The following SYT7 variants were observed in gnomAD, a reference collection of about 807,000 sequenced individuals.
The protein encoded by SYT7 is synaptotagmin 7, also known as synaptotagmin-7.
A neutral mutation model predicts 75.1 loss-of-function variants in SYT7; 29 were observed. The ratio of observed to expected loss-of-function variants is 0.39; its 90% CI spans 0.29 to 0.53. The LOEUF is 0.53. SYT7 is among the 20% of genes least tolerant of loss of function. The pLI is 0.77. For synonymous variants in SYT7, 376 were observed against 401.7 expected, an observed-to-expected ratio of 0.94 and a Z score of 0.76; for missense variants, 693 against 953.2, an observed-to-expected ratio of 0.73 and a Z score of 3.59.
chr11:61,540,450 C>T (rs1004339558), intron 6 of SYT7: 13 of 903,174 alleles, frequency 1.4e-5, no homozygotes, highest in East Asian at 1.2e-4. Flanking sequence ...ATGTGATGAT[C>T]ACATGCCTCT....
chr11:61,526,985 G>A (rs1449734760), intron 9 of SYT7, among the ~76,000 whole-genome samples: 1 of 152,118 alleles, frequency 6.6e-6, no homozygotes, highest in Non-Finnish European at 1.5e-5. Flanking sequence ...TGGTTGAACC[G>A]GGGGCCATTG....
intron 3 of SYT7, 107 bp from the exon 4 acceptor site, chr11:61,547,415 A>T: frequency 1.5e-6 from 2 of 1,341,484 alleles, no homozygotes; most frequent in Non-Finnish European, 2.0e-6. Context: ...CCGGGCACAC[A>T]GTGGGCGGGG....
chr11:61,546,294 C>G lies in SYT7; in HGVS notation c.348-39G>C, dbSNP rs1441696232. The G allele has an allele frequency of 7.3e-7, 1 of 1,364,484 alleles. No individual in the cohort carries two copies. The highest frequency in any genetic ancestry group is 1.6e-5 in the South Asian group (1 of 63,468). The allele number at this position is 1,364,484 out of a possible 1,614,324, so 84.5% of individuals were successfully genotyped here. A position where few individuals can be genotyped will look rare whatever the true frequency, so the allele number is the denominator to read the frequency against. The stretch of plus-strand genomic sequence containing the variant: ...CGAGGCAGCCAGGCCAGAGGGGCAC[C>G]GGGGGTGGCGGTGGGGGAGAGAGGG... On this transcript the variant is annotated intron_variant, in intron 4 of 12. Coordinates refer to ENST00000539008, the MANE Select transcript of SYT7 (RefSeq NM_001365809.2). This position sits in a 1 kb window ranked among gnomAD's most constrained non-coding sequence, Gnocchi z 7.6.
chr11:61,561,390 G>T (rs2063632479), intron 1 of SYT7, among the ~76,000 whole-genome samples: 1 of 152,194 alleles, frequency 6.6e-6, no homozygotes, highest in Non-Finnish European at 1.5e-5. Context: ...CTCTACCCAG[G>T]CCTGTGGTAG....
In SYT7 at chr11:61,576,197, C is replaced by T. The variant is rs2064072454; in HGVS notation, c.31+4593G>A. On this transcript the variant is annotated intron_variant, in intron 1 of 12. Transcript: ENST00000539008. The surrounding 1 kb of genome is among the most constrained non-coding windows in gnomAD (Gnocchi z 4.1). ...CTGCTGGGTGAGACCAAAGCCCTGC[C>T]CTGCAGACACTAGTTGGACAGGGCC... is the stretch of plus-strand genomic sequence containing the variant. Among the ~76,000 whole-genome samples the T allele has an allele frequency of 6.6e-6, 1 of 152,232 alleles. No individual in the cohort carries two copies. Among genetic ancestry groups the T allele is most frequent in the South Asian group, 2.1e-4 (1 of 4,834 alleles).
chr11:61,583,956 C>T (rs960866411), upstream of SYT7, among the ~76,000 whole-genome samples: 15 of 152,220 alleles, frequency 9.9e-5, no homozygotes, highest in African/African-American at 2.4e-4. Flanking sequence ...ATTTATGTGG[C>T]GCTGCCATCA....
intron 1 of SYT7, among the ~76,000 whole-genome samples, chr11:61,563,664 C>A (rs547797057): frequency 1.3e-5 from 2 of 152,174 alleles, no homozygotes; most frequent in African/African-American, 4.8e-5. Flanking sequence ...GCAGGCCAAC[C>A]CTTGTCACAC....
In SYT7 at chr11:61,523,148, T is replaced by C. The variant is rs2062400257; in HGVS notation, c.1883A>G (p.Lys628Arg). The C allele has an allele frequency of 6.2e-7, 1 of 1,614,098 alleles. No homozygotes were observed. Among genetic ancestry groups the C allele is most frequent in the African/African-American group, 1.3e-5 (1 of 74,934 alleles). ...ESFAFDIPTE[K>R]LRETTIIITV... is the part of the protein sequence containing the mutation. ...GATGATGATGGTCGTCTCCCTCAGC[T>C]TCTCCGTGGGGATATCGAAGGCGAA... Residue 628 changes from lysine (K) to arginine (R), a missense_variant, in exon 12 of 13, where the codon AAG becomes AGG. By Grantham distance (26) the Lys-to-Arg change is conservative (BLOSUM62 2). This residue lies in a region of SYT7 where 206 missense variants were observed against 360.0 expected (regional missense o/e 0.57). Coordinates refer to ENST00000539008, the MANE Select transcript of SYT7 (RefSeq NM_001365809.2). The surrounding 1 kb of genome is among the most constrained non-coding windows in gnomAD (Gnocchi z 5.0).
chr11:61,553,165 C>T lies in SYT7; in HGVS notation c.136-1702G>A, dbSNP rs1378894298. Among the ~76,000 whole-genome samples the T allele has an allele frequency of 5.9e-5, 9 of 152,214 alleles. No individual in the cohort carries two copies. Among genetic ancestry groups the T allele is most frequent in the African/African-American group, 9.6e-5 (4 of 41,452 alleles). ...AAGCTGCCACTCACAGCTCCAACTC[C>T]GATCCCTCCCATCACTACCCAGAGG... On this transcript the variant is annotated intron_variant, in intron 2 of 12. Transcript: ENST00000539008. This position sits in a 1 kb window ranked among gnomAD's most constrained non-coding sequence, Gnocchi z 5.2.
rs948956031 is a variant in SYT7, at chr11:61,514,784, A to G, written c.*3843T>C. On this transcript the variant is annotated 3_prime_UTR_variant, in exon 13 of 13. Transcript: ENST00000539008. ...GAGACTTTTCTAATCCTAAAGAATG[A>G]AACTAGAAGAGGGCTGAGAGAAGCC... Among the ~76,000 whole-genome samples the G allele has an allele frequency of 6.6e-6, 1 of 152,200 alleles. No individual in the cohort carries two copies. The highest frequency in any genetic ancestry group is 2.4e-5 in the African/African-American group (1 of 41,446).
In SYT7 at chr11:61,576,724, T is replaced by A. The variant is rs929829882; in HGVS notation, c.31+4066A>T. On this transcript the variant is annotated intron_variant, in intron 1 of 12. Coordinates refer to ENST00000539008, the MANE Select transcript of SYT7 (RefSeq NM_001365809.2). The surrounding 1 kb of genome is among the most constrained non-coding windows in gnomAD (Gnocchi z 4.1). ...AATAGGGGGTGGGTGGGGAGTAGGA[T>A]GGGGGGACTCAGGAGGGGCAGGAGG... Among the ~76,000 whole-genome samples, 60 of 11,100 alleles carry A rather than the reference T, an allele frequency of 5.4e-3. No homozygotes were observed. The highest frequency in any genetic ancestry group is 0.011 in the Admixed American group (10 of 936). The allele number at this position is 11,100 out of a possible 152,430, so 7.3% of individuals were successfully genotyped here. A position where few individuals can be genotyped will look rare whatever the true frequency, so the allele number is the denominator to read the frequency against.
At chr11:61,572,125 G>A (rs554431983) in intron 1 of SYT7, among the ~76,000 whole-genome samples, 11 of 152,236 alleles carry the variant, frequency 7.2e-5, no homozygotes, top group South Asian at 6.2e-4. Flanking sequence ...TTGGGGGGGG[G>A]GCACACAGAC....
intron 8 of SYT7, among the ~76,000 whole-genome samples, chr11:61,530,354 G>A (rs1391881483): frequency 1.3e-5 from 2 of 151,960 alleles, no homozygotes; most frequent in Non-Finnish European, 2.9e-5. Context: ...ACCTGCAAGC[G>A]CCACCGCAGG....
At chr11:61,521,820 G>A (rs967707361) in intron 12 of SYT7, among the ~76,000 whole-genome samples, 1 of 152,176 alleles carries the variant, frequency 6.6e-6, no homozygotes, top group Admixed American at 6.5e-5. Flanking sequence ...AAACTGTCCT[G>A]CCTGAATGGA....
At chr11:61,541,885 G>A (rs2063052952) in intron 6 of SYT7, among the ~76,000 whole-genome samples, 2 of 152,184 alleles carry the variant, frequency 1.3e-5, no homozygotes, top group South Asian at 2.1e-4. Context: ...TGGCCAAGAG[G>A]CCAAGAGCAG....
At chr11:61,552,682 T>C (rs562263750) in intron 2 of SYT7, among the ~76,000 whole-genome samples, 1 of 152,132 alleles carries the variant, frequency 6.6e-6, no homozygotes, top group African/African-American at 2.4e-5. Flanking sequence ...GGGAGCCACC[T>C]ATCTAGGGAG....
Position 61,533,067 on chromosome 11 carries a change from G to T in SYT7, c.1122C>A (p.His374Gln). The change falls in exon 8 of 13, where the codon CAC becomes CAA. Residue 374 changes from histidine to glutamine, a missense_variant. Coordinates refer to ENST00000539008, the MANE Select transcript of SYT7 (RefSeq NM_001365809.2). ...NTAPVPGQTP[H>Q]DESDRRTEPR... Reference sequence around the variant, plus strand: ...GCTCGGTCCGGCGGTCGGACTCATCGTGGGGTGTCTGGCCTGGCACGGGGG... The same window carrying T: ...GCTCGGTCCGGCGGTCGGACTCATCTTGGGGTGTCTGGCCTGGCACGGGGG... 1.2e-6 allele frequency: 2 copies of T among 1,612,942 alleles called. No individual in the cohort carries two copies. The highest frequency in any genetic ancestry group is 8.5e-7 in the Non-Finnish European group (1 of 1,179,868).
At chr11:61,556,765 T>C (rs142556410) in intron 1 of SYT7, among the ~76,000 whole-genome samples, 3 of 152,340 alleles carry the variant, frequency 2.0e-5, no homozygotes, top group Non-Finnish European at 2.9e-5. Context: ...TCACCAGCCA[T>C]ATGTGTAGTC....
chr11:61,580,812 C>T lies in SYT7; in HGVS notation c.9G>A (p.Arg3=). 1.6e-6 allele frequency: 2 copies of T among 1,285,570 alleles called. No individual in the cohort carries two copies. Among genetic ancestry groups the T allele is most frequent in the South Asian group, 2.5e-5 (1 of 40,446 alleles). 79.6% of individuals were successfully genotyped at this position (1,285,570 alleles called of 1,614,324 possible). Residue 3 remains arginine (R), a synonymous_variant, in exon 1 of 13, where the codon CGG becomes CGA. Coordinates refer to ENST00000539008, the MANE Select transcript of SYT7 (RefSeq NM_001365809.2). This position sits in a 1 kb window ranked among gnomAD's most constrained non-coding sequence, Gnocchi z 6.1. ...TACCTGGGCTGGCCGCCTCCGGGTC[C>T]CGGTACATGGTCCCCTCGTCGCCGG... MY[R]DPEAASPGAP...
Sources: allele counts gnomAD v4.1 joint callset (sites outside exome capture counted in the v4.1 genomes callset), GRCh38; gene constraint gnomAD v4.1.1; regional missense constraint gnomAD v4.1.1; non-coding constraint Gnocchi (gnomAD v3.1); transcripts MANE v1.5; gene names NCBI Gene and HGNC (gene_info 2026-07-23, HGNC 2026-07-21).